CHMP4A: variants seen among roughly 807,000 people sequenced by gnomAD.
CHMP4A encodes charged multivesicular body protein 4A.
CHMP4A carries 29 observed loss-of-function variants against 28.2 expected under a neutral mutation model. The ratio of observed to expected loss-of-function variants is 1.03; its 90% confidence interval spans 0.77 to 1.40. CHMP4A has a LOEUF of 1.40. Among genes scored for constraint, CHMP4A ranks in the 40% most tolerant of loss-of-function variants. CHMP4A has a pLI of 0.00. For synonymous variants in CHMP4A, 88 were observed against 99.3 expected (o/e 0.89, Z 0.67); for missense variants, 241 against 263.5 (o/e 0.91, Z 0.59).
chr14:24,211,357 G>A lies in CHMP4A; in HGVS notation c.359+58C>T. ...TGAGAGGCTTTAAAGTTTAAAGTGT[G>A]ATAGCAAGCCACTCTTCCCAGTGCC... is the stretch of plus-strand genomic sequence containing the variant. On this transcript the variant is annotated intron_variant, in intron 3 of 5. Coordinates refer to ENST00000347519, the MANE Select transcript of CHMP4A (RefSeq NM_014169.5). 4 of 1,453,640 alleles carry A rather than the reference G, an allele frequency of 2.8e-6. No homozygotes were observed. The South Asian group carries it at 4.9e-5, about 18-fold the overall frequency. The allele number at this position is 1,453,640 out of a possible 1,614,324, so 90.0% of individuals were successfully genotyped here.
chr14:24,213,098 G>C, intron 1 of CHMP4A: 1 of 373,174 alleles, frequency 2.7e-6, no homozygotes, highest in Non-Finnish European at 4.8e-6. Context: ...CAGGAAACTC[G>C]TCTTCAAGCC....
rs754404734 is a variant in CHMP4A, at chr14:24,211,702, C to T, written c.159G>A (p.Lys53=). ...KIQQELQTAK[K]YGTKNKRAAL... ...TACCTCTCTTATTCTTGGTCCCATA[C>T]TTCTTGGCTGTTTGTAGCTCCTGTT... Residue 53 remains lysine, a synonymous_variant, in exon 2 of 6, where the codon AAG becomes AAA. Transcript: ENST00000347519. 3.7e-6 allele frequency: 6 copies of T among 1,614,198 alleles called. No homozygotes were observed. Among genetic ancestry groups the T allele is most frequent in the Non-Finnish European group, 3.4e-6 (4 of 1,180,018 alleles).
rs1169721543 is a variant in CHMP4A at position 24,210,665 on chromosome 14, C to A, written c.463G>T (p.Asp155Tyr). ...TCACCCCCAATCACCTCATCCACATCATCTCCAAAGCCCATAGGCCGAGAA... is the reference window on the plus strand; with the variant it reads ...TCACCCCCAATCACCTCATCCACATAATCTCCAAAGCCCATAGGCCGAGAA... The part of the protein sequence containing the change: ...AISRPMGFGD[D>Y]VDEDELLEEL... Residue 155 changes from aspartate (D) to tyrosine (Y), a missense_variant, in exon 4 of 6, where the codon GAT (aspartate) becomes TAT (tyrosine). Physicochemically the swap from Asp to Tyr is radical, Grantham distance 160 (BLOSUM62 -3). Transcript: ENST00000347519. 3 of 1,613,648 alleles carry A rather than the reference C, an allele frequency of 1.9e-6. No homozygotes were observed. Among genetic ancestry groups the A allele is most frequent in the South Asian group, 1.1e-5 (1 of 91,076 alleles).
At chr14:24,213,376 G>T (rs1212612190) in intron 1 of CHMP4A, 33 bp downstream of exon 1, 10 of 1,535,040 alleles carry the variant, frequency 6.5e-6, no homozygotes, top group Non-Finnish European at 8.7e-6. Context: ...ACCAGCCAGC[G>T]CCTCCTGGCT....
rs2039572877 is a variant in CHMP4A at position 24,209,624 on chromosome 14, C to T, written c.*253G>A. 1 of 470,804 alleles carries T rather than the reference C, an allele frequency of 2.1e-6. No individual in the cohort carries two copies. The highest frequency in any genetic ancestry group is 3.9e-6 in the Non-Finnish European group (1 of 257,504). The allele number at this position is 470,804 out of a possible 1,614,324, so 29.2% of individuals were successfully genotyped here. On this transcript the variant is annotated 3_prime_UTR_variant, in exon 6 of 6. Coordinates refer to ENST00000347519, the MANE Select transcript of CHMP4A (RefSeq NM_014169.5). The stretch of plus-strand genomic sequence containing the variant: ...AGTATAGACACTAGGATTCCATCTG[C>T]CCAGTTTTATTGGGAACAAGGGCAT...
Position 24,213,462 on chromosome 14 carries a change from C to A in CHMP4A, c.-23G>T, listed in dbSNP as rs1053793347. The A allele has an allele frequency of 1.9e-6, 3 of 1,612,736 alleles. No homozygotes were observed. The highest frequency in any genetic ancestry group is 1.6e-4 in the Middle Eastern group (1 of 6,078). On this transcript the variant is annotated 5_prime_UTR_variant, in exon 1 of 6. Coordinates refer to ENST00000347519, the MANE Select transcript of CHMP4A (RefSeq NM_014169.5). Reference sequence around the variant, plus strand: ...CATCGCGAGCTCGCCTCTCCCGCCTCCGCCCCTCAGCGTCCTCCAGACTTC... The same window carrying A: ...CATCGCGAGCTCGCCTCTCCCGCCTACGCCCCTCAGCGTCCTCCAGACTTC...
chr14:24,212,172 C>T (rs1251284744), intron 1 of CHMP4A: 1 of 188,590 alleles, frequency 5.3e-6, no homozygotes, highest in African/African-American at 2.4e-5. Flanking sequence ...CAGCTCACCT[C>T]AACCTCCGCC....
Position 24,209,763 on chromosome 14 carries a change from A to G in CHMP4A, c.*114T>C. 1 of 984,410 alleles carries G rather than the reference A, an allele frequency of 1.0e-6. No homozygotes were observed. The highest frequency in any genetic ancestry group is 1.8e-5 in the Admixed American group (1 of 56,742). The allele number at this position is 984,410 out of a possible 1,614,324, so 61.0% of individuals were successfully genotyped here. On this transcript the variant is annotated 3_prime_UTR_variant, in exon 6 of 6. Coordinates refer to ENST00000347519, the MANE Select transcript of CHMP4A (RefSeq NM_014169.5). The stretch of plus-strand genomic sequence containing the variant: ...AGACCCTTTTTTCAGGCAGGGTCAC[A>G]CTACCACCCTCAGCATGACTTCCCC...
chr14:24,210,722 G>A lies in CHMP4A; in HGVS notation c.406C>T (p.Gln136Ter), dbSNP rs117552046. ...TCTGAGATCTGCTGGGCCACCTCCT[G>A]TTGTTCCGTGATGTCAGTCATCAGT... Reference protein sequence around the residue: ...DELMTDITEQQEVAQQISDAI... With the variant: ...DELMTDITEQ Residue 136 changes from glutamine to a stop codon, truncating the protein, a stop_gained, in exon 4 of 6, where the codon CAG (glutamine) becomes TAG (stop). Coordinates refer to ENST00000347519, the MANE Select transcript of CHMP4A (RefSeq NM_014169.5). LOFTEE classifies it high-confidence loss of function. The A allele has an allele frequency of 1.9e-3, 3,022 of 1,614,046 alleles. 7 individuals are homozygous for A. Among genetic ancestry groups the A allele is most frequent in the Non-Finnish European group, 2.3e-3 (2,736 of 1,179,988 alleles).
rs899735896 is a variant in CHMP4A, at chr14:24,213,310, C to T, written c.31+99G>A. On this transcript the variant is annotated intron_variant, in intron 1 of 5. Transcript: ENST00000347519. ...AGTCAGCCTGTCTCCTGATTCTCTT[C>T]CCCTGCCCGGCGCAGCGGTCCGGCC... is the stretch of plus-strand genomic sequence containing the variant. The T allele has an allele frequency of 2.9e-6, 4 of 1,369,592 alleles. No homozygotes were observed. In the Admixed American group the frequency reaches 1.1e-4, roughly 38 times the overall value. The allele number at this position is 1,369,592 out of a possible 1,614,324, so 84.8% of individuals were successfully genotyped here. A position where few individuals can be genotyped will look rare whatever the true frequency, so the allele number is the denominator to read the frequency against.
At chr14:24,212,935 C>T (rs143942402) in intron 1 of CHMP4A, 10,079 of 161,560 alleles carry the variant, frequency 0.062, 389 homozygotes, top group East Asian at 0.2. Context: ...CTCCTGACCT[C>T]ATGATCCACC....
In CHMP4A at chr14:24,210,729, C is replaced by G. The variant is rs745737788; in HGVS notation, c.399G>C (p.Thr133=). The G allele has an allele frequency of 1.9e-4, 302 of 1,614,004 alleles. No homozygotes were observed. The highest frequency in any genetic ancestry group is 2.5e-4 in the Non-Finnish European group (297 of 1,180,004). The part of the protein sequence containing the change: ...DKVDELMTDI[T]EQQEVAQQIS... The stretch of plus-strand genomic sequence containing the variant: ...TCTGCTGGGCCACCTCCTGTTGTTC[C>G]GTGATGTCAGTCATCAGTTCATCTA... The change falls in exon 4 of 6, where the codon ACG becomes ACC. Residue 133 remains threonine (T), a synonymous_variant. Transcript: ENST00000347519.
chr14:24,213,449 G>T lies in CHMP4A; in HGVS notation c.-10C>A, dbSNP rs1333445014. 1 of 1,610,872 alleles carries T rather than the reference G, an allele frequency of 6.2e-7. No individual in the cohort carries two copies. Among genetic ancestry groups the T allele is most frequent in the South Asian group, 1.1e-5 (1 of 90,576 alleles). ...TGCCGAGACCACTCATCGCGAGCTC[G>T]CCTCTCCCGCCTCCGCCCCTCAGCG... is the stretch of plus-strand genomic sequence containing the variant. On this transcript the variant is annotated 5_prime_UTR_variant, in exon 1 of 6. Coordinates refer to ENST00000347519, the MANE Select transcript of CHMP4A (RefSeq NM_014169.5).
chr14:24,210,336 A>C lies in CHMP4A; in HGVS notation c.610+12T>G. 1 of 1,613,106 alleles carries C rather than the reference A, an allele frequency of 6.2e-7. No individual in the cohort carries two copies. On this transcript the variant is annotated intron_variant, in intron 5 of 5. Coordinates refer to ENST00000347519, the MANE Select transcript of CHMP4A (RefSeq NM_014169.5). ...TCTTAAGTCCTCAAGACAACAGAACAACCCTGCATACCTGGCCCTGCCGGC... is the reference window on the plus strand; with the variant it reads ...TCTTAAGTCCTCAAGACAACAGAACCACCCTGCATACCTGGCCCTGCCGGC...
intron 3 of CHMP4A, among the ~76,000 whole-genome samples, chr14:24,211,059 C>G (rs2039587030): frequency 6.6e-6 from 1 of 152,200 alleles, no homozygotes; most frequent in South Asian, 2.1e-4. Context: ...TAGTGCACAC[C>G]TGTAATCCCA....
At position 24,211,827 on chromosome 14, in the gene CHMP4A, T is replaced by A; in HGVS notation, c.34A>T (p.Lys12Ter). The stretch of plus-strand genomic sequence containing the variant: ...TCAGGGGTTGGCCCTTTCTCCTTCT[T>A]CCCTGAGGAGTCCAGTGGAGTAGGC... ...SGLGRLFGKG[K>*]KEKGPTPEEA... The change falls in exon 2 of 6, where the codon AAG (lysine) becomes TAG (stop). Residue 12 changes from lysine to a stop codon, truncating the protein, a stop_gained and splice_region_variant. Transcript: ENST00000347519. LOFTEE classifies it high-confidence loss of function. 6.2e-7 allele frequency: 1 copy of A among 1,610,812 alleles called. No homozygotes were observed. The highest frequency in any genetic ancestry group is 1.3e-5 in the African/African-American group (1 of 74,644).
rs538400003 is a variant in CHMP4A at position 24,211,454 on chromosome 14, T to G, written c.320A>C (p.Glu107Ala). Residue 107 changes from glutamate to alanine, a missense_variant, in exon 3 of 6, where the codon GAG becomes GCG. Transcript: ENST00000347519. ...CTTCTTCATGCTTTGGGCAGCAAGC[T>G]CCATGGTACGAAGGACTTCTGCATT... The part of the protein sequence containing the change: ...TTNAEVLRTM[E>A]LAAQSMKKAY... The G allele has an allele frequency of 3.1e-6, 5 of 1,611,758 alleles. No individual in the cohort carries two copies. In the East Asian group the frequency reaches 1.1e-4, roughly 36 times the overall value.
At chr14:24,210,861 T>G in intron 3 of CHMP4A, 93 bp from the exon 4 acceptor site, 1 of 889,992 alleles carries the variant, frequency 1.1e-6, no homozygotes, top group South Asian at 1.4e-5. Context: ...CCTTGCAGGG[T>G]CACACTGATA....
intron 3 of CHMP4A, 178 bp from the exon 4 acceptor site, chr14:24,210,946 G>A: frequency 3.4e-6 from 2 of 582,928 alleles, no homozygotes; most frequent in East Asian, 2.9e-5. Context: ...CACTTTGGGA[G>A]GCCAAGGCAG....
Sources: gnomAD v4.1 joint callset for allele counts (sites outside exome capture counted in the v4.1 genomes callset) on GRCh38, gnomAD v4.1.1 for gene constraint, MANE v1.5 for transcripts, NCBI Gene and HGNC (gene_info 2026-07-23, HGNC 2026-07-21) for gene names.